Variants in NRL observed in about 807,000 individuals in gnomAD.
NRL encodes the protein neural retina-specific leucine zipper protein.
A neutral mutation model predicts 12.5 loss-of-function variants in NRL; 16 were observed. The observed-to-expected ratio is 1.28, with a 90% CI of 0.87 to 1.95. NRL has a LOEUF of 1.95. Ranked by LOEUF, NRL falls within the 30% of genes most tolerant of loss-of-function variation. The pLI, the probability that NRL is intolerant of heterozygous loss-of-function variation, is 0.00. For missense variants in NRL, 314 were observed against 325.8 expected (o/e 0.96, Z 0.28); for synonymous variants, 142 against 150.9 (o/e 0.94, Z 0.43).
At position 24,100,064 on chromosome 14, in the gene NRL, A is replaced by G; in HGVS notation, c.-28+14658T>C. On this transcript the variant is annotated intron_variant, in intron 1 of 2. Transcript: ENST00000561028. ...GCCCCTGGTACCTCTGCCACCACCA[A>G]TCCCAACGCCATGGCTACAATCCAG... 3 of 1,613,224 alleles carry G rather than the reference A, an allele frequency of 1.9e-6. No homozygotes were observed. The East Asian group carries it at 6.7e-5, about 36-fold the overall frequency.
rs10136189 is a variant in NRL at position 24,088,849 on chromosome 14, A to T, written c.-27-5974T>A. ...TTCACAGAGTCTTGCTCTGTCCCCC[A>T]GGCTGGAGGGCAGTGGCGCGATCTT... On this transcript the variant is annotated intron_variant, in intron 1 of 2. Coordinates refer to ENST00000561028, the MANE Select transcript of NRL (RefSeq NM_001354768.3). Among the ~76,000 whole-genome samples the T allele has an allele frequency of 6.0e-3, 716 of 119,372 alleles. 8 individuals carry two copies. The highest frequency in any genetic ancestry group is 0.025 in the Middle Eastern group (4 of 162). The allele number at this position is 119,372 out of a possible 152,430, so 78.3% of individuals were successfully genotyped here. A position where few individuals can be genotyped will look rare whatever the true frequency, so the allele number is the denominator to read the frequency against.
intron 1 of NRL, among the ~76,000 whole-genome samples, chr14:24,097,590 AT>A (rs200681299): frequency 0.69 from 95,342 of 137,666 alleles, 33,744 homozygotes; most frequent in East Asian, 0.97. Context: ...AGAAACTGGG[AT>A]TTTTTTTTTT....
Position 24,094,869 on chromosome 14 carries a change from G to A in NRL, c.-27-11994C>T. Reference sequence around the variant, plus strand: ...GGGTACGTGAGCCCCGGGAGACTAAGCTCAGAGCCCCCTAAAGAAGGTGGA... The same window carrying A: ...GGGTACGTGAGCCCCGGGAGACTAAACTCAGAGCCCCCTAAAGAAGGTGGA... On this transcript the variant is annotated intron_variant, in intron 1 of 2. Transcript: ENST00000561028. This position sits in a 1 kb window ranked among gnomAD's most constrained non-coding sequence, Gnocchi z 4.1. The A allele has an allele frequency of 5.4e-6, 7 of 1,293,534 alleles. No individual in the cohort carries two copies. Among genetic ancestry groups the A allele is most frequent in the Non-Finnish European group, 7.1e-6 (7 of 989,316 alleles). The allele number at this position is 1,293,534 out of a possible 1,614,324, so 80.1% of individuals were successfully genotyped here.
In NRL at chr14:24,098,296, G is replaced by A. The variant is rs201716555; in HGVS notation, c.-27-15421C>T. 1.4e-5 allele frequency: 23 copies of A among 1,614,110 alleles called. No individual in the cohort carries two copies. The East Asian group carries it at 2.2e-4, about 16-fold the overall frequency. Reference sequence around the variant, plus strand: ...CTCAGCGGGACACGGTACCACTCCCGCCTGGTGGGGCCCGTGGGCAGCTGG... The same window carrying A: ...CTCAGCGGGACACGGTACCACTCCCACCTGGTGGGGCCCGTGGGCAGCTGG... On this transcript the variant is annotated intron_variant, in intron 1 of 2. Coordinates refer to ENST00000561028, the MANE Select transcript of NRL (RefSeq NM_001354768.3).
intron 1 of NRL, among the ~76,000 whole-genome samples, chr14:24,105,488 CAA>C (rs2037323222): frequency 6.6e-6 from 1 of 152,238 alleles, no homozygotes; most frequent in Non-Finnish European, 1.5e-5. Context: ...GATGAAGTAA[CAA>C]AGGCACAGAG....
intron 1 of NRL, among the ~76,000 whole-genome samples, chr14:24,089,183 CGCCTCA>C (rs1022588219): frequency 2.0e-5 from 3 of 152,046 alleles, no homozygotes; most frequent in African/African-American, 7.2e-5. Flanking sequence ...ATGATCCACC[CGCCTCA>C]GCCTCCCAAA....
In NRL at chr14:24,081,505, G is replaced by C; in HGVS notation, c.445C>G (p.Leu149Val). The C allele has an allele frequency of 6.2e-7, 1 of 1,601,460 alleles. No homozygotes were observed. Residue 149 changes from leucine to valine, a missense_variant, in exon 3 of 3, where the codon CTG (leucine) becomes GTG (valine). By Grantham distance (32) the Leu-to-Val change is conservative. Coordinates refer to ENST00000561028, the MANE Select transcript of NRL (RefSeq NM_001354768.3). This position sits in a 1 kb window ranked among gnomAD's most constrained non-coding sequence, Gnocchi z 4.4. ...SMSVRELNRQ[L>V]RGCGRDEALR... ...GCCTCGTCGCGCCCGCAGCCCCGCAGCTGCCGGTTTAGCTCCCGCACAGAC... is the reference window on the plus strand; with the variant it reads ...GCCTCGTCGCGCCCGCAGCCCCGCACCTGCCGGTTTAGCTCCCGCACAGAC...
In NRL at chr14:24,081,622, C is replaced by G; in HGVS notation, c.382-54G>C. 6.5e-7 allele frequency: 1 copy of G among 1,546,364 alleles called. No homozygotes were observed. Among genetic ancestry groups the G allele is most frequent in the South Asian group, 1.2e-5 (1 of 84,110 alleles). On this transcript the variant is annotated intron_variant, in intron 2 of 2. Transcript: ENST00000561028. This position sits in a 1 kb window ranked among gnomAD's most constrained non-coding sequence, Gnocchi z 4.4. ...CAGCGCCAGGTCGCACCCGGCTCTG[C>G]CCTGAGGGCCCGACGCTACCTGGCT...
At chr14:24,099,437 A>G in intron 1 of NRL, 1 of 1,068,052 alleles carries the variant, frequency 9.4e-7, no homozygotes, top group Non-Finnish European at 1.3e-6. Context: ...TGGCAGGGCA[A>G]TCACTTATAT....
At chr14:24,104,836 A>G (rs570265912) in intron 1 of NRL, among the ~76,000 whole-genome samples, 1 of 152,250 alleles carries the variant, frequency 6.6e-6, no homozygotes, top group East Asian at 1.9e-4. Flanking sequence ...TGGCACTGGG[A>G]GCTGCATAGT....
chr14:24,104,662 AC>A (rs1180565741), intron 1 of NRL, among the ~76,000 whole-genome samples: 1 of 151,156 alleles, frequency 6.6e-6, no homozygotes, highest in Non-Finnish European at 1.5e-5. Context: ...ACAAAACAAA[AC>A]AAAACAAAAA....
At chr14:24,104,628 GA>G (rs2037299315) in intron 1 of NRL, among the ~76,000 whole-genome samples, 1 of 132,922 alleles carries the variant, frequency 7.5e-6, no homozygotes, top group African/African-American at 3.0e-5. Flanking sequence ...GCAACAGAGC[GA>G]AACTCCGTCA....
chr14:24,094,538 A>G lies in NRL; in HGVS notation c.-27-11663T>C. The G allele has an allele frequency of 6.9e-7, 1 of 1,441,574 alleles. No homozygotes were observed. Among genetic ancestry groups the G allele is most frequent in the Non-Finnish European group, 9.1e-7 (1 of 1,102,436 alleles). 89.3% of individuals were successfully genotyped at this position (1,441,574 alleles called of 1,614,324 possible). On this transcript the variant is annotated intron_variant, in intron 1 of 2. Coordinates refer to ENST00000561028, the MANE Select transcript of NRL (RefSeq NM_001354768.3). This position sits in a 1 kb window ranked among gnomAD's most constrained non-coding sequence, Gnocchi z 4.1. ...GCTCTCAGCCTCCGCCAGGTTTCCC[A>G]TCCTAGGCGGAGGCGGGCAGGGGCG...
intron 1 of NRL, among the ~76,000 whole-genome samples, chr14:24,096,107 T>TA (rs1392611247): frequency 6.6e-6 from 1 of 151,360 alleles, no homozygotes; most frequent in Non-Finnish European, 1.5e-5. Flanking sequence ...TTTTAATTTA[T>TA]AAAAAACTAT....
At chr14:24,107,302 A>T (rs1413007831) in intron 1 of NRL, among the ~76,000 whole-genome samples, 1 of 152,234 alleles carries the variant, frequency 6.6e-6, no homozygotes. Flanking sequence ...AACTGATAAA[A>T]TATAGTTAAC....
chr14:24,111,519 G>A (rs1017660552), intron 1 of NRL, among the ~76,000 whole-genome samples: 2 of 150,228 alleles, frequency 1.3e-5, no homozygotes, highest in African/African-American at 2.5e-5. Context: ...GATTACAAGC[G>A]CATGCCACCA....
At chr14:24,083,775 C>T (rs1392232983) in intron 1 of NRL, among the ~76,000 whole-genome samples, 2 of 152,212 alleles carry the variant, frequency 1.3e-5, no homozygotes. Flanking sequence ...CCTCCTATCC[C>T]TACCTCTTAC....
intron 1 of NRL, chr14:24,095,117 T>G (rs1012548775): frequency 2.9e-5 from 13 of 456,012 alleles, no homozygotes; most frequent in Non-Finnish European, 4.4e-6. Flanking sequence ...AGTCTCCTAT[T>G]TATTCTCTGA....
Position 24,081,728 on chromosome 14 carries a change from C to T in NRL, c.382-160G>A. ...CACGCAGTCTGTTTCGGTCCAGAGC[C>T]CGCCCCAGGCCCCGACGCTCCCCGG... On this transcript the variant is annotated intron_variant, in intron 2 of 2. Coordinates refer to ENST00000561028, the MANE Select transcript of NRL (RefSeq NM_001354768.3). This position sits in a 1 kb window ranked among gnomAD's most constrained non-coding sequence, Gnocchi z 4.4. The T allele has an allele frequency of 1.3e-6, 2 of 1,521,374 alleles. No homozygotes were observed. Among genetic ancestry groups the T allele is most frequent in the Non-Finnish European group, 1.8e-6 (2 of 1,140,564 alleles). 94.2% of individuals were successfully genotyped at this position (1,521,374 alleles called of 1,614,324 possible).
Sources: allele counts gnomAD v4.1 joint callset (sites outside exome capture counted in the v4.1 genomes callset), GRCh38; gene constraint gnomAD v4.1.1; non-coding constraint Gnocchi (gnomAD v3.1); transcripts MANE v1.5; gene names NCBI Gene and HGNC (gene_info 2026-07-23, HGNC 2026-07-21).